CFAP58: variants seen among roughly 807,000 people sequenced by gnomAD.
The protein encoded by CFAP58 is cilia and flagella associated protein 58.
CFAP58 carries 88 observed loss-of-function variants against 119.5 expected under a neutral mutation model. The ratio of observed to expected loss-of-function variants is 0.74; its 90% confidence interval spans 0.62 to 0.88. CFAP58 has a LOEUF of 0.88. Ranked by LOEUF, CFAP58 falls within the 40% of genes least tolerant of loss-of-function variation. The probability of loss-of-function intolerance (pLI) is 0.00; values close to 1 mark genes in which losing one functional copy is unlikely to be tolerated. For synonymous variants in CFAP58, 365 were observed against 366.3 expected, an observed-to-expected ratio of 1.00 and a Z score of 0.04; for missense variants, 990 against 1,021.2, an observed-to-expected ratio of 0.97 and a Z score of 0.42.
the CFAP58 span, among the ~76,000 whole-genome samples, chr10:104,347,242 G>A: frequency 1.3e-5 from 2 of 152,084 alleles, no homozygotes; most frequent in East Asian, 3.8e-4. Context: ...TGACCTTTCA[G>A]TCTTCCTAAT....
intron 9 of CFAP58, chr10:104,382,228 A>T: frequency 1.4e-6 from 1 of 716,922 alleles, no homozygotes; most frequent in Non-Finnish European, 2.6e-6. Flanking sequence ...AAGGGCACAG[A>T]TCCTACCCAC....
chr10:104,438,357 T>TG (rs2012973790), intron 15 of CFAP58, among the ~76,000 whole-genome samples: 1 of 83,746 alleles, frequency 1.2e-5, no homozygotes, highest in African/African-American at 4.3e-5. Flanking sequence ...TGTTTTTTTT[T>TG]TTTGTTTTTT....
At chr10:104,370,477 T>C (rs1027927269) in intron 6 of CFAP58, among the ~76,000 whole-genome samples, 2 of 152,088 alleles carry the variant, frequency 1.3e-5, no homozygotes, top group Non-Finnish European at 2.9e-5. Context: ...GAACTCCTCT[T>C]TTTAAAACCA....
intron 9 of CFAP58, among the ~76,000 whole-genome samples, chr10:104,381,183 A>G (rs1222790952): frequency 2.6e-5 from 4 of 152,150 alleles, no homozygotes; most frequent in African/African-American, 9.7e-5. Flanking sequence ...ACAGACAAAC[A>G]AACAAACACC....
At chr10:104,430,394 T>C (rs1442078683) in intron 15 of CFAP58, among the ~76,000 whole-genome samples, 1 of 152,246 alleles carries the variant, frequency 6.6e-6, no homozygotes, top group African/African-American at 2.4e-5. Context: ...ACTAGGAGCC[T>C]GACAACAAAA....
At chr10:104,339,865 G>A in the CFAP58 span, among the ~76,000 whole-genome samples, 1 of 152,092 alleles carries the variant, frequency 6.6e-6, no homozygotes, top group Non-Finnish European at 1.5e-5. Context: ...CTAGAAGTTG[G>A]TCCGGTGGGT....
At chr10:104,439,822 T>C (rs372744691) in intron 15 of CFAP58, among the ~76,000 whole-genome samples, 1 of 152,164 alleles carries the variant, frequency 6.6e-6, no homozygotes. Context: ...ACTTACTGAT[T>C]TACTATTTTT....
chr10:104,431,856 T>C (rs945900379), intron 15 of CFAP58, among the ~76,000 whole-genome samples: 29 of 152,220 alleles, frequency 1.9e-4, no homozygotes, highest in African/African-American at 7.0e-4. Flanking sequence ...TTATTCATTT[T>C]CTTCTTTTTT....
At chr10:104,442,461 C>T (rs1161960597) in intron 15 of CFAP58, among the ~76,000 whole-genome samples, 3 of 151,734 alleles carry the variant, frequency 2.0e-5, no homozygotes, top group Non-Finnish European at 2.9e-5. Context: ...GGTGGCATGC[C>T]TCTGTAATCC....
In CFAP58 at chr10:104,438,399, C is replaced by T. The variant is rs576537534; in HGVS notation, c.2257-9299C>T. Among the ~76,000 whole-genome samples the T allele has an allele frequency of 2.4e-5, 3 of 125,512 alleles. No homozygotes were observed. In the East Asian group the frequency reaches 7.2e-4, roughly 30 times the overall value. The allele number at this position is 125,512 out of a possible 152,430, so 82.3% of individuals were successfully genotyped here. ...GTTTTTTTTTTTTGAGACGGAGTCT[C>T]GCTCTGTCGCCCAGGCCAGACTGCG... On this transcript the variant is annotated intron_variant, in intron 15 of 17. Transcript: ENST00000369704.
chr10:104,348,300 G>T, the CFAP58 span, among the ~76,000 whole-genome samples: 1 of 152,158 alleles, frequency 6.6e-6, no homozygotes, highest in Non-Finnish European at 1.5e-5. Context: ...TTACATGTAG[G>T]CCTGCAAGTC....
upstream of CFAP58, among the ~76,000 whole-genome samples, chr10:104,352,888 A>G (rs2014479723): frequency 6.6e-6 from 1 of 152,218 alleles, no homozygotes; most frequent in Admixed American, 6.5e-5. Flanking sequence ...AGTAGAAAAT[A>G]AGATAATCTC....
intron 7 of CFAP58, among the ~76,000 whole-genome samples, chr10:104,372,470 C>T (rs1305723562): frequency 6.6e-6 from 1 of 152,200 alleles, no homozygotes; most frequent in Admixed American, 6.5e-5. Flanking sequence ...GCAGTTCCAG[C>T]TTATCTCAAC....
intron 1 of CFAP58, among the ~76,000 whole-genome samples, chr10:104,355,420 A>G (rs1173725338): frequency 2.0e-5 from 3 of 152,024 alleles, no homozygotes; most frequent in Admixed American, 2.0e-4. Flanking sequence ...TGGATTAGTT[A>G]TTTCCATTTC....
chr10:104,445,896 A>C (rs759527251), intron 15 of CFAP58, among the ~76,000 whole-genome samples: 1 of 152,230 alleles, frequency 6.6e-6, no homozygotes, highest in Non-Finnish European at 1.5e-5. Flanking sequence ...ACATTTCAAG[A>C]TGCTTGGAGT....
intron 7 of CFAP58, among the ~76,000 whole-genome samples, chr10:104,374,135 C>G (rs1486965122): frequency 6.6e-6 from 1 of 151,998 alleles, no homozygotes; most frequent in African/African-American, 2.4e-5. Flanking sequence ...TGTCAGAGCT[C>G]TTTGTTACAT....
At chr10:104,408,933 C>T (rs539927339) in intron 15 of CFAP58, among the ~76,000 whole-genome samples, 32 of 152,176 alleles carry the variant, frequency 2.1e-4, no homozygotes, top group African/African-American at 7.5e-4. Flanking sequence ...AACCTTATCT[C>T]TACAAAGAAT....
At chr10:104,379,125 C>A (rs117521955) in intron 8 of CFAP58, among the ~76,000 whole-genome samples, 1 of 152,040 alleles carries the variant, frequency 6.6e-6, no homozygotes. Flanking sequence ...TTGACAATCT[C>A]GTCCCCCCAG....
rs1050848115 is a variant in CFAP58 at position 104,403,894 on chromosome 10, G to A, written c.2151+54G>A. 8.9e-5 allele frequency: 101 copies of A among 1,136,370 alleles called. No homozygotes were observed. The East Asian group carries it at 1.2e-3, about 13-fold the overall frequency. 70.4% of individuals were successfully genotyped at this position (1,136,370 alleles called of 1,614,324 possible). ...CCCCAAATCTCTCCTCCTATCCCAC[G>A]CGAAGCTTCTAACCTAAAGCACAAT... On this transcript the variant is annotated intron_variant, in intron 14 of 17. Coordinates refer to ENST00000369704, the MANE Select transcript of CFAP58 (RefSeq NM_001008723.2).
Sources: gnomAD v4.1 joint callset for allele counts (sites outside exome capture counted in the v4.1 genomes callset) on GRCh38, gnomAD v4.1.1 for gene constraint, MANE v1.5 for transcripts, NCBI Gene and HGNC (gene_info 2026-07-23, HGNC 2026-07-21) for gene names.